SPEG: variants seen among roughly 807,000 people sequenced by gnomAD.
The protein encoded by SPEG is striated muscle preferentially expressed protein kinase.
SPEG carries 114 observed loss-of-function variants against 300.4 expected under a neutral mutation model. That is an observed-to-expected ratio of 0.38 (90% confidence interval 0.33 to 0.44). SPEG has a LOEUF of 0.44. Among genes scored for constraint, SPEG ranks in the 20% least tolerant of loss-of-function variants. The pLI is 1.00. For synonymous variants in SPEG, 1,964 were observed against 2,018.9 expected, an observed-to-expected ratio of 0.97 and a Z score of 0.73; for missense variants, 4,201 against 4,586.2, an observed-to-expected ratio of 0.92 and a Z score of 2.43.
Position 219,443,500 on chromosome 2 carries a change from A to C in SPEG, c.389-1153A>C. The C allele has an allele frequency of 2.7e-6, 1 of 371,102 alleles. No homozygotes were observed. Among genetic ancestry groups the C allele is most frequent in the Non-Finnish European group, 5.0e-6 (1 of 199,692 alleles). 23.0% of individuals were successfully genotyped at this position (371,102 alleles called of 1,614,324 possible). On this transcript the variant is annotated intron_variant, in intron 1 of 40. Transcript: ENST00000312358. The surrounding 1 kb of genome is among the most constrained non-coding windows in gnomAD (Gnocchi z 4.6). ...GAAACTGAGGCACAGAACCTGCTAG[A>C]ATCTGGGAAAGTTGAAAATACTCCC...
In SPEG at chr2:219,477,582, C is replaced by T; in HGVS notation, c.4730-107C>T. 7.3e-7 allele frequency: 1 copy of T among 1,373,666 alleles called. No homozygotes were observed. The allele number at this position is 1,373,666 out of a possible 1,614,324, so 85.1% of individuals were successfully genotyped here. A position where few individuals can be genotyped will look rare whatever the true frequency, so the allele number is the denominator to read the frequency against. The stretch of plus-strand genomic sequence containing the variant: ...AGCCCAGCACCCCGCCTTGAGCCCC[C>T]AACATTCTTGCACCTCTTCTCTCTT... On this transcript the variant is annotated intron_variant, in intron 20 of 40. Coordinates refer to ENST00000312358, the MANE Select transcript of SPEG (RefSeq NM_005876.5). The surrounding 1 kb of genome is among the most constrained non-coding windows in gnomAD (Gnocchi z 6.4).
Position 219,443,143 on chromosome 2 carries a change from C to A in SPEG, c.389-1510C>A. The A allele has an allele frequency of 6.2e-7, 1 of 1,612,770 alleles. No individual in the cohort carries two copies. ...ATTCCCGCCGGGCCTTTGGCCGACTCACCCATGGTGCGTGGACCGTGGGCG... is the reference window on the plus strand; with the variant it reads ...ATTCCCGCCGGGCCTTTGGCCGACTAACCCATGGTGCGTGGACCGTGGGCG... On this transcript the variant is annotated intron_variant, in intron 1 of 40. Transcript: ENST00000312358. The surrounding 1 kb of genome is among the most constrained non-coding windows in gnomAD (Gnocchi z 4.6).
intron 30 of SPEG, 69 bp from the exon 31 acceptor site, chr2:219,485,277 A>AGGGCTGC: frequency 6.5e-7 from 1 of 1,548,534 alleles, no homozygotes; most frequent in Non-Finnish European, 8.7e-7. Flanking sequence ...CTCTGGGCTG[A>AGGGCTGC]GGGCTGCAGA....
At position 219,448,977 on chromosome 2, in the gene SPEG, T is replaced by C. The variant is rs1452575815; in HGVS notation, c.1819T>C (p.Cys607Arg). 1 of 1,505,612 alleles carries C rather than the reference T, an allele frequency of 6.6e-7. No homozygotes were observed. The highest frequency in any genetic ancestry group is 1.3e-5 in the South Asian group (1 of 78,718). The allele number at this position is 1,505,612 out of a possible 1,614,324, so 93.3% of individuals were successfully genotyped here. A position where few individuals can be genotyped will look rare whatever the true frequency, so the allele number is the denominator to read the frequency against. The change falls in exon 4 of 41, where the codon TGC (cysteine) becomes CGC (arginine). Residue 607 changes from cysteine to arginine, a missense_variant. Cys to Arg is a radical substitution (Grantham distance 180). Transcript: ENST00000312358. ...GACCCGGAGCAGAGCCATCCAGGAG[T>C]GCAGGAGCCCTGTGCCGCCCCCCGC... Reference protein sequence around the residue: ...PLTRSRAIQECRSPVPPPAAD... With the variant: ...PLTRSRAIQERRSPVPPPAAD...
At position 219,448,579 on chromosome 2, in the gene SPEG, C is replaced by A; in HGVS notation, c.1421C>A (p.Ala474Glu). Residue 474 changes from alanine (A) to glutamate (E), a missense_variant, in exon 4 of 41, where the codon GCG becomes GAG. Physicochemically the swap from Ala to Glu is moderately radical, Grantham distance 107. Around this residue, in one of 4 missense-constraint regions of SPEG, gnomAD observed 1,258 missense variants for 1,293.9 expected, o/e 0.97. Transcript: ENST00000312358. Reference sequence around the variant, plus strand: ...CGGCGCCGCCTGTTCCAGCAGAAAGCGGCCTCGCTGGACGAGCGCACGCGT... The same window carrying A: ...CGGCGCCGCCTGTTCCAGCAGAAAGAGGCCTCGCTGGACGAGCGCACGCGT... ...AERRRLFQQK[A>E]ASLDERTRQR... 1 of 1,452,530 alleles carries A rather than the reference C, an allele frequency of 6.9e-7. No homozygotes were observed. The highest frequency in any genetic ancestry group is 9.0e-7 in the Non-Finnish European group (1 of 1,110,012). The allele number at this position is 1,452,530 out of a possible 1,614,324, so 90.0% of individuals were successfully genotyped here.
At chr2:219,472,075 C>T in intron 14 of SPEG, 88 bp downstream of exon 14, 1 of 1,551,066 alleles carries the variant, frequency 6.4e-7, no homozygotes, top group East Asian at 2.3e-5. Flanking sequence ...CTCCACCCAG[C>T]TCCCTTCCCC....
Position 219,468,571 on chromosome 2 carries a change from C to T in SPEG, c.3143-7C>T. 6.2e-7 allele frequency: 1 copy of T among 1,611,182 alleles called. No homozygotes were observed. Among genetic ancestry groups the T allele is most frequent in the Non-Finnish European group, 8.5e-7 (1 of 1,179,496 alleles). On this transcript the variant is annotated splice_region_variant and splice_polypyrimidine_tract_variant and intron_variant, in intron 10 of 40. Coordinates refer to ENST00000312358, the MANE Select transcript of SPEG (RefSeq NM_005876.5). ...TCCCTATCTCTGAGCTGCCCCCTGC[C>T]CCACAGATGAGCTGACCTGCAGTGC...
chr2:219,435,031 C>T lies in SPEG; in HGVS notation c.54C>T (p.Pro18=), dbSNP rs890050214. Residue 18 remains proline, a synonymous_variant, in exon 1 of 41, where the codon CCC becomes CCT. Transcript: ENST00000312358. ...AGGATGCGGGCACGAGGGCACCCCC[C>T]AGCCCCGGAGTGCCCCCGAAAAGGG... is the stretch of plus-strand genomic sequence containing the variant. ...RGEDAGTRAP[P]SPGVPPKRAK... The T allele has an allele frequency of 9.3e-6, 14 of 1,499,382 alleles. No homozygotes were observed. Among genetic ancestry groups the T allele is most frequent in the Admixed American group, 4.2e-5 (2 of 47,204 alleles). 92.9% of individuals were successfully genotyped at this position (1,499,382 alleles called of 1,614,324 possible).
At chr2:219,469,848 A>C (rs1691717749) in intron 13 of SPEG, among the ~76,000 whole-genome samples, 1 of 152,172 alleles carries the variant, frequency 6.6e-6, no homozygotes, top group Non-Finnish European at 1.5e-5. Flanking sequence ...GCAATGAAAA[A>C]GCAGGTGTGG....
chr2:219,484,443 T>TG lies in SPEG; in HGVS notation c.6982dup (p.Glu2328GlyfsTer62). On this transcript the variant is annotated frameshift_variant, in exon 30 of 41. Transcript: ENST00000312358. LOFTEE classifies it high-confidence loss of function. Reference sequence around the variant, plus strand: ...AGTCTCAGTAGCAGCATCGAAAACTTGGAGTCGGAGGCCGTGTTCGAGGCC... The same window carrying TG: ...AGTCTCAGTAGCAGCATCGAAAACTTGGGAGTCGGAGGCCGTGTTCGAGGCC... 1 of 1,611,292 alleles carries TG rather than the reference T, an allele frequency of 6.2e-7. No individual in the cohort carries two copies. The highest frequency in any genetic ancestry group is 8.5e-7 in the Non-Finnish European group (1 of 1,179,754).
At position 219,488,575 on chromosome 2, in the gene SPEG, C is replaced by G. The variant is rs371959562; in HGVS notation, c.7936C>G (p.Arg2646Gly). 2 of 1,611,822 alleles carry G rather than the reference C, an allele frequency of 1.2e-6. No individual in the cohort carries two copies. Among genetic ancestry groups the G allele is most frequent in the East Asian group, 2.2e-5 (1 of 44,858 alleles). The change falls in exon 33 of 41, where the codon CGG becomes GGG. Residue 2646 changes from arginine to glycine, a missense_variant. Physicochemically the swap from Arg to Gly is moderately radical, Grantham distance 125. This residue lies in a region of SPEG where 1,578 missense variants were observed against 1,506.0 expected (regional missense o/e 1.05). Transcript: ENST00000312358. The stretch of plus-strand genomic sequence containing the variant: ...TGGGCGGCAGCTGCTCAGCATCCCC[C>G]GGGCGGGCAAGCGGCACGCCGGTCT... ...KDGRQLLSIP[R>G]AGKRHAGLYE...
At chr2:219,450,170 G>A (rs1379481345) in intron 4 of SPEG, among the ~76,000 whole-genome samples, 1 of 152,118 alleles carries the variant, frequency 6.6e-6, no homozygotes, top group Non-Finnish European at 1.5e-5. Flanking sequence ...GAGATAATTA[G>A]GCCCCTGTCC....
chr2:219,483,678 A>G lies in SPEG; in HGVS notation c.6215A>G (p.Gln2072Arg). The stretch of plus-strand genomic sequence containing the variant: ...GCCCAGAGGCTGCAGGCCCTGCGCC[A>G]GCGGCTGCTGCGGGGAGGCCCCGAG... ...EYAQRLQALRQRLLRGGPEDG... is the reference protein window; with the variant it reads ...EYAQRLQALRRRLLRGGPEDG... The change falls in exon 30 of 41, where the codon CAG becomes CGG. Residue 2072 changes from glutamine to arginine, a missense_variant. By Grantham distance (43) the Gln-to-Arg change is conservative (BLOSUM62 1). Around this residue, in one of 4 missense-constraint regions of SPEG, gnomAD observed 1,578 missense variants for 1,506.0 expected, o/e 1.05. Coordinates refer to ENST00000312358, the MANE Select transcript of SPEG (RefSeq NM_005876.5). 1 of 1,533,652 alleles carries G rather than the reference A, an allele frequency of 6.5e-7. No homozygotes were observed. The highest frequency in any genetic ancestry group is 8.7e-7 in the Non-Finnish European group (1 of 1,146,712).
At chr2:219,456,048 G>A (rs1384444298) in intron 6 of SPEG, among the ~76,000 whole-genome samples, 1 of 152,230 alleles carries the variant, frequency 6.6e-6, no homozygotes, top group Non-Finnish European at 1.5e-5. Context: ...GCTGTAAAGT[G>A]AGGATCTTCA....
intron 7 of SPEG, 42 bp downstream of exon 7, chr2:219,462,099 C>A: frequency 6.6e-7 from 1 of 1,508,884 alleles, no homozygotes; most frequent in East Asian, 2.3e-5. Flanking sequence ...TGTGTGCCCC[C>A]GTTCCTTTGG....
intron 6 of SPEG, among the ~76,000 whole-genome samples, chr2:219,455,841 G>A (rs144904621): frequency 7.9e-4 from 120 of 152,244 alleles, no homozygotes; most frequent in African/African-American, 2.7e-3. Flanking sequence ...CCCACCGTGC[G>A]CCCCGAGAGG....
At chr2:219,465,807 A>G (rs572684526) in intron 9 of SPEG, 111 of 592,472 alleles carry the variant, frequency 1.9e-4, no homozygotes, top group Middle Eastern at 9.0e-4. Context: ...CTGTGCGTGC[A>G]TGTGTGCGTG....
At position 219,480,851 on chromosome 2, in the gene SPEG, A is replaced by G. The variant is rs1692776519; in HGVS notation, c.5369+154A>G. Among the ~76,000 whole-genome samples, 1 of 151,868 alleles carries G rather than the reference A, an allele frequency of 6.6e-6. No homozygotes were observed. Among genetic ancestry groups the G allele is most frequent in the Non-Finnish European group, 1.5e-5 (1 of 67,940 alleles). Reference sequence around the variant, plus strand: ...CATGAAGGTGGACACCCCTGTCTGCATGCCCACACTCTGCCTGTCCCCACA... The same window carrying G: ...CATGAAGGTGGACACCCCTGTCTGCGTGCCCACACTCTGCCTGTCCCCACA... On this transcript the variant is annotated intron_variant, in intron 26 of 40. Coordinates refer to ENST00000312358, the MANE Select transcript of SPEG (RefSeq NM_005876.5). This position sits in a 1 kb window ranked among gnomAD's most constrained non-coding sequence, Gnocchi z 5.3.
At chr2:219,474,541 G>C (rs1202938993) in intron 18 of SPEG, among the ~76,000 whole-genome samples, 1 of 152,198 alleles carries the variant, frequency 6.6e-6, no homozygotes, top group Non-Finnish European at 1.5e-5. Flanking sequence ...GAGGCTAAGA[G>C]TAACTGGCCC....
Sources: allele counts gnomAD v4.1 joint callset (sites outside exome capture counted in the v4.1 genomes callset), GRCh38; gene constraint gnomAD v4.1.1; regional missense constraint gnomAD v4.1.1; non-coding constraint Gnocchi (gnomAD v3.1); transcripts MANE v1.5; gene names NCBI Gene and HGNC (gene_info 2026-07-23, HGNC 2026-07-21).